Variants in ACSL4 observed in about 807,000 individuals in gnomAD.
The protein encoded by ACSL4 is long-chain-fatty-acid--CoA ligase 4.
A neutral mutation model predicts 49.1 loss-of-function variants in ACSL4; 9 were observed. The observed-to-expected ratio is 0.18, with a 90% CI of 0.11 to 0.32. ACSL4 has a LOEUF of 0.32. Among genes scored for constraint, ACSL4 ranks in the 10% least tolerant of loss-of-function variants. ACSL4 has a pLI of 1.00. For missense variants in ACSL4, 333 were observed against 493.7 expected (o/e 0.67, Z 3.08); for synonymous variants, 191 against 170.3 (o/e 1.12, Z -0.95).
Position 109,678,343 on chromosome X carries a change from C to T in ACSL4, c.728G>A (p.Arg243Gln), listed in dbSNP as rs757626878. The change falls in exon 7 of 16, where the codon CGA becomes CAA. Residue 243 changes from arginine to glutamine, a missense_variant. Arg to Gln is a conservative substitution (Grantham distance 43). Around this residue, in one of 3 missense-constraint regions of ACSL4, gnomAD observed 157 missense variants for 201.1 expected, o/e 0.78. Coordinates refer to ENST00000672401, the MANE Select transcript of ACSL4 (RefSeq NM_001318510.2). ...ATGATGCATCATCACTCCCTTAGGT[C>T]GGCCAGTAGAACCACTAGTATACAT... Reference protein sequence around the residue: ...IVMYTSGSTGRPKGVMMHHSN... With the variant: ...IVMYTSGSTGQPKGVMMHHSN... 4.1e-6 allele frequency: 5 copies of T among 1,209,897 alleles called. No homozygotes were observed. The highest frequency in any genetic ancestry group is 3.5e-5 in the African/African-American group (2 of 57,162).
At chrX:109,689,070 T>C (rs183965488) in intron 2 of ACSL4, among the ~76,000 whole-genome samples, 1 of 111,361 alleles carries the variant, frequency 9.0e-6, no homozygotes, top group Non-Finnish European at 1.9e-5. Context: ...CCTTCCACAA[T>C]CCTATCTCAC....
chrX:109,665,356 T>C, intron 12 of ACSL4, 64 bp downstream of exon 12: 1 of 1,004,350 alleles, frequency 1.0e-6, no homozygotes, highest in Non-Finnish European at 1.4e-6. Flanking sequence ...GAAATGAAAG[T>C]CATAAAGCTG....
chrX:109,696,250 T>C (rs769403077), intron 1 of ACSL4, 54 bp from the exon 2 acceptor site: 1 of 112,207 alleles, frequency 8.9e-6, no homozygotes, highest in Admixed American at 9.4e-5. Flanking sequence ...AGTGCCCCTT[T>C]AAAAGAAATA....
At chrX:109,703,960 T>C (rs867917955) in intron 1 of ACSL4, among the ~76,000 whole-genome samples, 1 of 111,615 alleles carries the variant, frequency 9.0e-6, no homozygotes, top group South Asian at 3.8e-4. Flanking sequence ...CTTAGACATA[T>C]TAGATAAATA....
At chrX:109,645,623 C>T (rs957672190) in intron 15 of ACSL4, among the ~76,000 whole-genome samples, 1 of 112,401 alleles carries the variant, frequency 8.9e-6, no homozygotes, top group Admixed American at 9.4e-5. Context: ...GCCTCTCCTC[C>T]TCCAAAGGAA....
intron 11 of ACSL4, among the ~76,000 whole-genome samples, chrX:109,667,537 A>C (rs750188904): frequency 8.9e-6 from 1 of 112,583 alleles, no homozygotes; most frequent in East Asian, 2.8e-4. Context: ...AGAAGTGATC[A>C]TTTAGAGAAA....
At chrX:109,672,079 T>TAAAAAAAA (rs764711316) in intron 9 of ACSL4, among the ~76,000 whole-genome samples, 2 of 37,389 alleles carry the variant, frequency 5.3e-5, no homozygotes, top group African/African-American at 1.1e-4. Context: ...CAATAAATAC[T>TAAAAAAAA]AAAAAAAAAA....
intron 15 of ACSL4, among the ~76,000 whole-genome samples, chrX:109,646,725 G>A (rs1259507386): frequency 1.8e-5 from 2 of 110,817 alleles, no homozygotes; most frequent in Non-Finnish European, 3.8e-5. Context: ...ACACAGACTG[G>A]CAAATTGGAT....
intron 8 of ACSL4, 90 bp downstream of exon 8, chrX:109,677,898 G>T: frequency 1.7e-6 from 2 of 1,146,663 alleles, no homozygotes; most frequent in Non-Finnish European, 2.4e-6. Context: ...AGCTTTAGCT[G>T]AATTAAAATA....
rs182615006 is a variant in ACSL4 at position 109,728,600 on chromosome X, T to A, written c.-66+4539A>T. On this transcript the variant is annotated intron_variant, in intron 1 of 15. Transcript: ENST00000672401. ...TATAGTGAGAGCATGTGTGAATATG[T>A]ATTAACATTCTAAGCCATTAAGGCC... is the stretch of plus-strand genomic sequence containing the variant. 8.9e-4 allele frequency among the ~76,000 whole-genome samples: 100 copies of A among 112,682 alleles called. 1 individual carries two copies. In the East Asian group the frequency reaches 0.014, roughly 16 times the overall value.
intron 1 of ACSL4, among the ~76,000 whole-genome samples, chrX:109,717,846 A>G (rs1327815346): frequency 1.2e-5 from 1 of 83,409 alleles, no homozygotes; most frequent in East Asian, 2.9e-4. Flanking sequence ...TTATGTATAC[A>G]CCTTTAATTT....
At chrX:109,650,963 T>C (rs903259553) in intron 15 of ACSL4, among the ~76,000 whole-genome samples, 19 of 111,990 alleles carry the variant, frequency 1.7e-4, no homozygotes, top group African/African-American at 2.9e-4. Context: ...CAAATGCAGA[T>C]AAAAAAGGGG....
At chrX:109,663,000 A>G (rs1359994589) in intron 13 of ACSL4, among the ~76,000 whole-genome samples, 1 of 111,713 alleles carries the variant, frequency 9.0e-6, no homozygotes, top group Admixed American at 9.5e-5. Flanking sequence ...AATATTTTAC[A>G]TATATCAACT....
At chrX:109,669,256 G>A in intron 9 of ACSL4, 83 bp from the exon 10 acceptor site, 1 of 756,537 alleles carries the variant, frequency 1.3e-6, no homozygotes, top group Non-Finnish European at 2.0e-6. Context: ...CAACATCTTG[G>A]GTAAAAGTCT....
chrX:109,688,660 A>AT (rs1366800489), intron 2 of ACSL4, among the ~76,000 whole-genome samples: 1 of 111,141 alleles, frequency 9.0e-6, no homozygotes, highest in Non-Finnish European at 1.9e-5. Context: ...CTTCCATGCT[A>AT]TTAGATCCAA....
At position 109,641,580 on chromosome X, in the gene ACSL4, G is replaced by A. The variant is rs901178949; in HGVS notation, c.*2449C>T. ...TCATCTTGTTACCTTAGAAACATTT[G>A]TCATATGCTATCAGGAAAATATAGG... On this transcript the variant is annotated 3_prime_UTR_variant, in exon 16 of 16. Transcript: ENST00000672401. The A allele has an allele frequency of 8.9e-6, 1 of 112,502 alleles. No homozygotes were observed. Among genetic ancestry groups the A allele is most frequent in the African/African-American group, 3.2e-5 (1 of 30,962 alleles). The allele number at this position is 112,502 out of a possible 1,213,427, so 9.3% of individuals were successfully genotyped here.
In ACSL4 at chrX:109,724,805, G is replaced by A. The variant is rs772514236; in HGVS notation, c.-66+8334C>T. The stretch of plus-strand genomic sequence containing the variant: ...TGGGCACCTGTAATCCCAGCTACTC[G>A]GGTGGCTGAGGCAGAAGAATCGCTT... On this transcript the variant is annotated intron_variant, in intron 1 of 15. Coordinates refer to ENST00000672401, the MANE Select transcript of ACSL4 (RefSeq NM_001318510.2). Among the ~76,000 whole-genome samples the A allele has an allele frequency of 9.1e-5, 10 of 110,243 alleles. No homozygotes were observed. The South Asian group carries it at 2.3e-3, about 26-fold the overall frequency.
At chrX:109,693,211 T>C (rs1925175190) in intron 2 of ACSL4, among the ~76,000 whole-genome samples, 1 of 110,699 alleles carries the variant, frequency 9.0e-6, no homozygotes, top group Non-Finnish European at 1.9e-5. Context: ...GCCAAATAAA[T>C]GACTATAATT....
intron 2 of ACSL4, among the ~76,000 whole-genome samples, chrX:109,686,371 C>T (rs1206698597): frequency 8.9e-6 from 1 of 112,139 alleles, no homozygotes; most frequent in African/African-American, 3.2e-5. Context: ...AATCTACCAA[C>T]ACACCATTTT....
Sources: gnomAD v4.1 joint callset for allele counts (sites outside exome capture counted in the v4.1 genomes callset) on GRCh38, gnomAD v4.1.1 for gene constraint, gnomAD v4.1.1 regional missense constraint, MANE v1.5 for transcripts, NCBI Gene and HGNC (gene_info 2026-07-23, HGNC 2026-07-21) for gene names.